The following RAB6A variants were observed in gnomAD, a reference collection of about 807,000 sequenced individuals.
RAB6A encodes ras-related protein Rab-6A.
Under a neutral mutation model 32.3 loss-of-function variants are expected in RAB6A, and 8 were observed. The observed-to-expected ratio is 0.25, with a 90% CI of 0.15 to 0.45. The LOEUF is 0.45. RAB6A is among the 20% of genes least tolerant of loss of function. The pLI, the probability that RAB6A is intolerant of heterozygous loss-of-function variation, is 1.00. For synonymous variants in RAB6A, 73 were observed against 82.1 expected (o/e 0.89, Z 0.60); for missense variants, 104 against 249.4 (o/e 0.42, Z 3.93).
At chr11:73,688,676 C>A (rs1349089498) in intron 6 of RAB6A, among the ~76,000 whole-genome samples, 1 of 152,218 alleles carries the variant, frequency 6.6e-6, no homozygotes, top group African/African-American at 2.4e-5. Flanking sequence ...CCCCAAATAA[C>A]ATTCTTTTTG....
chr11:73,718,000 C>T (rs1946076199), intron 4 of RAB6A, among the ~76,000 whole-genome samples: 1 of 152,160 alleles, frequency 6.6e-6, no homozygotes, highest in Non-Finnish European at 1.5e-5. Flanking sequence ...AAAAAGACTA[C>T]TAGTTGTTTC....
chr11:73,760,443 C>G, intron 1 of RAB6A, 123 bp downstream of exon 1: 1 of 1,308,990 alleles, frequency 7.6e-7, no homozygotes, highest in Non-Finnish European at 1.0e-6. Context: ...TCGGGAAGGG[C>G]TGCGGTGGCA....
At chr11:73,697,238 G>A (rs1565351289) in intron 6 of RAB6A, among the ~76,000 whole-genome samples, 1 of 151,998 alleles carries the variant, frequency 6.6e-6, no homozygotes, top group Non-Finnish European at 1.5e-5. Flanking sequence ...TTATCAGACA[G>A]GCTTTCCCTC....
At chr11:73,722,332 TA>T (rs1946151101) in intron 2 of RAB6A, 2 of 9,654 alleles carry the variant, frequency 2.1e-4, no homozygotes, top group African/African-American at 3.5e-4. Context: ...TATATATATA[TA>T]TATATATATA....
At chr11:73,705,583 A>AT (rs904673730) in intron 6 of RAB6A, among the ~76,000 whole-genome samples, 12 of 152,070 alleles carry the variant, frequency 7.9e-5, no homozygotes, top group African/African-American at 2.9e-4. Flanking sequence ...GAAAATATAT[A>AT]TAAGAAATAG....
At chr11:73,740,788 T>A (rs1333921834) in intron 1 of RAB6A, among the ~76,000 whole-genome samples, 2 of 151,544 alleles carry the variant, frequency 1.3e-5, no homozygotes, top group African/African-American at 4.9e-5. Flanking sequence ...TCGGGGGGGC[T>A]GAGGCAGGAC....
At chr11:73,719,539 T>C (rs1372077579) in intron 3 of RAB6A, among the ~76,000 whole-genome samples, 1 of 152,086 alleles carries the variant, frequency 6.6e-6, no homozygotes, top group Admixed American at 6.5e-5. Context: ...ACTATCCATA[T>C]CTATATTACA....
chr11:73,760,428 G>T, intron 1 of RAB6A, 138 bp downstream of exon 1: 6 of 1,159,486 alleles, frequency 5.2e-6, no homozygotes, highest in South Asian at 1.6e-5. Context: ...GCACCGGGGG[G>T]CACATCGGGA....
intron 1 of RAB6A, among the ~76,000 whole-genome samples, chr11:73,734,616 T>A (rs1946365352): frequency 6.6e-6 from 1 of 152,154 alleles, no homozygotes; most frequent in Non-Finnish European, 1.5e-5. Context: ...CATCAGGCAT[T>A]AGATTCTCAT....
chr11:73,755,617 A>T (rs1946736037), intron 1 of RAB6A, among the ~76,000 whole-genome samples: 1 of 152,128 alleles, frequency 6.6e-6, no homozygotes, highest in Non-Finnish European at 1.5e-5. Flanking sequence ...AACTACATAA[A>T]CAAAAGTCAG....
At chr11:73,750,491 GATTA>G (rs1370831492) in intron 1 of RAB6A, among the ~76,000 whole-genome samples, 1 of 152,066 alleles carries the variant, frequency 6.6e-6, no homozygotes, top group Admixed American at 6.6e-5. Context: ...GGGCAGCTGG[GATTA>G]TAGGCATGTG....
At chr11:73,727,990 T>G (rs1195526921) in intron 2 of RAB6A, among the ~76,000 whole-genome samples, 2 of 152,230 alleles carry the variant, frequency 1.3e-5, no homozygotes, top group Non-Finnish European at 2.9e-5. Context: ...ACTTAAAATT[T>G]TTTTAATTCA....
Position 73,708,179 on chromosome 11 carries a change from CTTTTT to C in RAB6A, c.402-671_402-667del, listed in dbSNP as rs528372320. On this transcript the variant is annotated intron_variant, in intron 5 of 7. Transcript: ENST00000336083. ...TCCTTAGGTTAGATTTTGTGGTTTT[CTTTTT>C]TTTGAGACAGTTTTGCTCTTGTCAC... Among the ~76,000 whole-genome samples the C allele has an allele frequency of 4.6e-5, 7 of 151,860 alleles. No individual in the cohort carries two copies. In the East Asian group the frequency reaches 1.2e-3, roughly 25 times the overall value.
At chr11:73,724,980 T>C (rs113116605) in intron 2 of RAB6A, among the ~76,000 whole-genome samples, 1 of 152,116 alleles carries the variant, frequency 6.6e-6, no homozygotes, top group African/African-American at 2.4e-5. Flanking sequence ...TAAAGAATAA[T>C]GAAGATGTTG....
chr11:73,693,578 TA>T (rs1208763499), intron 6 of RAB6A, among the ~76,000 whole-genome samples: 1 of 142,126 alleles, frequency 7.0e-6, no homozygotes, highest in Admixed American at 7.2e-5. Flanking sequence ...TTTTTTTTTT[TA>T]AAGAAGAAAG....
intron 7 of RAB6A, 73 bp downstream of exon 7, chr11:73,679,581 C>T (rs1945321150): frequency 6.4e-7 from 1 of 1,562,500 alleles, no homozygotes. Context: ...GCACAATATT[C>T]TTTAGCCAAG....
chr11:73,689,415 T>A (rs1050956688), intron 6 of RAB6A, among the ~76,000 whole-genome samples: 2 of 152,208 alleles, frequency 1.3e-5, no homozygotes, highest in Non-Finnish European at 2.9e-5. Context: ...GAGCTCAGGC[T>A]GTAATGCTGG....
chr11:73,731,684 TTATATATA>T (rs1157961323), intron 1 of RAB6A, among the ~76,000 whole-genome samples: 233 of 14,476 alleles, frequency 0.016, 3 homozygotes, highest in African/African-American at 0.038. Context: ...TAGATAGATA[TTATATATA>T]TATATATATA....
At chr11:73,718,907 A>C in intron 3 of RAB6A, 189 bp from the exon 4 acceptor site, 1 of 1,568,480 alleles carries the variant, frequency 6.4e-7, no homozygotes, top group Non-Finnish European at 8.6e-7. Context: ...GATGGGAAAA[A>C]ATAAATAAAA....
Sources: allele counts gnomAD v4.1 joint callset (sites outside exome capture counted in the v4.1 genomes callset), GRCh38; gene constraint gnomAD v4.1.1; transcripts MANE v1.5; gene names NCBI Gene and HGNC (gene_info 2026-07-23, HGNC 2026-07-21).